The following XKR8 variants were observed in gnomAD, a reference collection of about 807,000 sequenced individuals.
XKR8 encodes XK-related protein 8.
In XKR8, 10 loss-of-function variants were observed where a neutral mutation model predicts 17.1. The ratio of observed to expected loss-of-function variants is 0.59; its 90% CI spans 0.36 to 0.99. XKR8 has a LOEUF of 0.99. Ranked by LOEUF, XKR8 falls within the 50% of genes least tolerant of loss-of-function variation. The pLI, the probability that XKR8 is intolerant of heterozygous loss-of-function variation, is 0.01. For synonymous variants in XKR8, 213 were observed against 251.9 expected, an observed-to-expected ratio of 0.85 and a Z score of 1.46; for missense variants, 411 against 515.6, an observed-to-expected ratio of 0.80 and a Z score of 1.96.
Position 27,967,306 on chromosome 1 carries a change from T to C in XKR8, c.*106T>C. 1.6e-6 allele frequency: 2 copies of C among 1,289,944 alleles called. No homozygotes were observed. The highest frequency in any genetic ancestry group is 1.5e-5 in the African/African-American group (1 of 67,096). 79.9% of individuals were successfully genotyped at this position (1,289,944 alleles called of 1,614,324 possible). ...ATAAGCTAACGATGCTGCTGTGGCCTCTATGCACTCAGCAAGAGCGGGACG... is the reference window on the plus strand; with the variant it reads ...ATAAGCTAACGATGCTGCTGTGGCCCCTATGCACTCAGCAAGAGCGGGACG... On this transcript the variant is annotated 3_prime_UTR_variant, in exon 3 of 3. Transcript: ENST00000373884. The surrounding 1 kb of genome is among the most constrained non-coding windows in gnomAD (Gnocchi z 4.3).
chr1:27,960,315 C>G lies in XKR8; in HGVS notation c.246C>G (p.Arg82=). 7.0e-7 allele frequency: 1 copy of G among 1,431,528 alleles called. No individual in the cohort carries two copies. Among genetic ancestry groups the G allele is most frequent in the Non-Finnish European group, 9.1e-7 (1 of 1,100,542 alleles). 88.7% of individuals were successfully genotyped at this position (1,431,528 alleles called of 1,614,324 possible). Residue 82 remains arginine, a synonymous_variant, in exon 1 of 3, where the codon CGC becomes CGG. Coordinates refer to ENST00000373884, the MANE Select transcript of XKR8 (RefSeq NM_018053.4). The surrounding 1 kb of genome is among the most constrained non-coding windows in gnomAD (Gnocchi z 5.9). ...GCCTGCACGGGTCGCAGCCCCCGCG[C>G]CGCTGCCTGGCGCTGCTGCATCTCC... ...PAGLHGSQPP[R]RCLALLHLLQ...
chr1:27,961,026 G>A (rs1439977654), intron 1 of XKR8, among the ~76,000 whole-genome samples: 1 of 152,210 alleles, frequency 6.6e-6, no homozygotes, highest in Non-Finnish European at 1.5e-5. Context: ...CTTGACCTGG[G>A]CCTCCCTGGG....
chr1:27,961,744 G>T (rs540038239), intron 1 of XKR8, among the ~76,000 whole-genome samples: 1 of 152,344 alleles, frequency 6.6e-6, no homozygotes, highest in African/African-American at 2.4e-5. Flanking sequence ...ACCCCAGCCT[G>T]TCCTGCCTGC....
rs1374159292 is a variant in XKR8 at position 27,965,733 on chromosome 1, C to T, written c.491-770C>T. Among the ~76,000 whole-genome samples, 2 of 152,198 alleles carry T rather than the reference C, an allele frequency of 1.3e-5. No individual in the cohort carries two copies. The highest frequency in any genetic ancestry group is 2.9e-5 in the Non-Finnish European group (2 of 68,044). ...TCTGTTTCCAGGCTAGGAGTGGGTT[C>T]TGGGCGCCTAATAGGTTCCCAGTAA... On this transcript the variant is annotated intron_variant, in intron 2 of 2. Transcript: ENST00000373884. This position sits in a 1 kb window ranked among gnomAD's most constrained non-coding sequence, Gnocchi z 4.1.
In XKR8 at chr1:27,963,564, G is replaced by T. The variant is rs868118956; in HGVS notation, c.361G>T (p.Ala121Ser). ...GGAGGAGCCCTCTGAGTTTGACTTG[G>T]CCTACGCCGACTTCCTCGCCCTGGA... ...QQEEPSEFDL[A>S]YADFLALDIS... The change falls in exon 2 of 3, where the codon GCC becomes TCC. Residue 121 changes from alanine (A) to serine (S), a missense_variant. Transcript: ENST00000373884. The T allele has an allele frequency of 6.2e-7, 1 of 1,614,152 alleles. No individual in the cohort carries two copies. The highest frequency in any genetic ancestry group is 1.7e-5 in the Admixed American group (1 of 60,024).
At chr1:27,961,547 C>T (rs770456287) in intron 1 of XKR8, among the ~76,000 whole-genome samples, 1 of 152,216 alleles carries the variant, frequency 6.6e-6, no homozygotes, top group Non-Finnish European at 1.5e-5. Context: ...GGCAGGCCTC[C>T]ATGAGCCGTG....
At position 27,965,621 on chromosome 1, in the gene XKR8, C is replaced by T. The variant is rs1325787655; in HGVS notation, c.491-882C>T. On this transcript the variant is annotated intron_variant, in intron 2 of 2. Transcript: ENST00000373884. The surrounding 1 kb of genome is among the most constrained non-coding windows in gnomAD (Gnocchi z 4.1). The stretch of plus-strand genomic sequence containing the variant: ...TGGCGACCTAACATCCTGGGCAGAG[C>T]TTGTCAAGGTCACGGAAGGTGGCAT... Among the ~76,000 whole-genome samples, 1 of 152,240 alleles carries T rather than the reference C, an allele frequency of 6.6e-6. No individual in the cohort carries two copies. Among genetic ancestry groups the T allele is most frequent in the East Asian group, 1.9e-4 (1 of 5,174 alleles).
At position 27,967,830 on chromosome 1, in the gene XKR8, C is replaced by A. The variant is rs1638608486; in HGVS notation, c.*630C>A. 1 of 152,730 alleles carries A rather than the reference C, an allele frequency of 6.5e-6. No homozygotes were observed. Among genetic ancestry groups the A allele is most frequent in the Admixed American group, 6.5e-5 (1 of 15,286 alleles). The allele number at this position is 152,730 out of a possible 1,614,324, so 9.5% of individuals were successfully genotyped here. A position where few individuals can be genotyped will look rare whatever the true frequency, so the allele number is the denominator to read the frequency against. On this transcript the variant is annotated 3_prime_UTR_variant, in exon 3 of 3. Coordinates refer to ENST00000373884, the MANE Select transcript of XKR8 (RefSeq NM_018053.4). The surrounding 1 kb of genome is among the most constrained non-coding windows in gnomAD (Gnocchi z 4.3). ...CCAGGGATGCCCAACTCTGGGTGGC[C>A]CCAGTCAGAACCTCTGGGATCTCAG...
At position 27,967,348 on chromosome 1, in the gene XKR8, C is replaced by T. The variant is rs1638598207; in HGVS notation, c.*148C>T. ...AGCGGGACGCCTGTGCTGGGCCGGGCACCAGGGATGGTGCTGAGTCGGGCA... is the reference window on the plus strand; with the variant it reads ...AGCGGGACGCCTGTGCTGGGCCGGGTACCAGGGATGGTGCTGAGTCGGGCA... On this transcript the variant is annotated 3_prime_UTR_variant, in exon 3 of 3. Coordinates refer to ENST00000373884, the MANE Select transcript of XKR8 (RefSeq NM_018053.4). This position sits in a 1 kb window ranked among gnomAD's most constrained non-coding sequence, Gnocchi z 4.3. The T allele has an allele frequency of 1.1e-6, 1 of 899,512 alleles. No homozygotes were observed. The highest frequency in any genetic ancestry group is 1.6e-6 in the Non-Finnish European group (1 of 618,352). The allele number at this position is 899,512 out of a possible 1,614,324, so 55.7% of individuals were successfully genotyped here.
rs370276517 is a variant in XKR8 at position 27,963,484 on chromosome 1, G to A, written c.294-13G>A. The stretch of plus-strand genomic sequence containing the variant: ...CTAACCTGGCCCTCTGGGCATTTGT[G>A]TGTGGTGCCTAGGTGCGTGCAGGAG... On this transcript the variant is annotated splice_polypyrimidine_tract_variant and intron_variant, in intron 1 of 2. Coordinates refer to ENST00000373884, the MANE Select transcript of XKR8 (RefSeq NM_018053.4). The A allele has an allele frequency of 1.3e-6, 2 of 1,596,340 alleles. No homozygotes were observed. Among genetic ancestry groups the A allele is most frequent in the South Asian group, 1.1e-5 (1 of 88,672 alleles).
In XKR8 at chr1:27,960,339, C is replaced by G; in HGVS notation, c.270C>G (p.Leu90=). Residue 90 remains leucine (L), a synonymous_variant, in exon 1 of 3, where the codon CTC becomes CTG. Coordinates refer to ENST00000373884, the MANE Select transcript of XKR8 (RefSeq NM_018053.4). This position sits in a 1 kb window ranked among gnomAD's most constrained non-coding sequence, Gnocchi z 5.9. ...GCCGCTGCCTGGCGCTGCTGCATCT[C>G]CTGCAGCTGGGTTACCTGTACAGGT... is the stretch of plus-strand genomic sequence containing the variant. ...PPRRCLALLH[L]LQLGYLYRCV... 1 of 1,419,558 alleles carries G rather than the reference C, an allele frequency of 7.0e-7. No homozygotes were observed. The highest frequency in any genetic ancestry group is 9.1e-7 in the Non-Finnish European group (1 of 1,094,500). 87.9% of individuals were successfully genotyped at this position (1,419,558 alleles called of 1,614,324 possible).
chr1:27,960,442 C>T lies in XKR8; in HGVS notation c.293+80C>T. 1 of 1,286,584 alleles carries T rather than the reference C, an allele frequency of 7.8e-7. No homozygotes were observed. 79.7% of individuals were successfully genotyped at this position (1,286,584 alleles called of 1,614,324 possible). On this transcript the variant is annotated intron_variant, in intron 1 of 2. Transcript: ENST00000373884. The surrounding 1 kb of genome is among the most constrained non-coding windows in gnomAD (Gnocchi z 5.9). ...CTGGGTCACCTGTACAGGTGACACGCCATATGCCGGGAAGGGGACTGGGAG... is the reference window on the plus strand; with the variant it reads ...CTGGGTCACCTGTACAGGTGACACGTCATATGCCGGGAAGGGGACTGGGAG...
Position 27,960,002 on chromosome 1 carries a change from G to T in XKR8, c.-68G>T, listed in dbSNP as rs778895354. 37 of 1,326,116 alleles carry T rather than the reference G, an allele frequency of 2.8e-5. No homozygotes were observed. The highest frequency in any genetic ancestry group is 4.0e-5 in the Admixed American group (1 of 24,794). The allele number at this position is 1,326,116 out of a possible 1,614,324, so 82.1% of individuals were successfully genotyped here. On this transcript the variant is annotated 5_prime_UTR_variant, in exon 1 of 3. Transcript: ENST00000373884. This position sits in a 1 kb window ranked among gnomAD's most constrained non-coding sequence, Gnocchi z 5.9. ...GCTGCGCCCACCTCCTTCCTGCCTC[G>T]GCAACCCCGGGCCCTGAGGGCAGGC...
Position 27,967,129 on chromosome 1 carries a change from C to T in XKR8, c.1117C>T (p.Arg373Cys), listed in dbSNP as rs1174269407. The T allele has an allele frequency of 1.4e-5, 23 of 1,606,966 alleles. No homozygotes were observed. The Middle Eastern group carries it at 5.0e-4, about 35-fold the overall frequency. ...GGGGTATCAGCTGCCTCAGAACAGG[C>T]GCATGACCCATTTAGCACAGAAGTT... is the stretch of plus-strand genomic sequence containing the variant. ...PEGYQLPQNR[R>C]MTHLAQKFFP... Residue 373 changes from arginine to cysteine, a missense_variant, in exon 3 of 3, where the codon CGC (arginine) becomes TGC (cysteine). Physicochemically the swap from Arg to Cys is radical, Grantham distance 180 (BLOSUM62 -3). Coordinates refer to ENST00000373884, the MANE Select transcript of XKR8 (RefSeq NM_018053.4). The surrounding 1 kb of genome is among the most constrained non-coding windows in gnomAD (Gnocchi z 4.3).
rs948537541 is a variant in XKR8, at chr1:27,960,923, G to T, written c.293+561G>T. On this transcript the variant is annotated intron_variant, in intron 1 of 2. Transcript: ENST00000373884. This position sits in a 1 kb window ranked among gnomAD's most constrained non-coding sequence, Gnocchi z 5.9. The stretch of plus-strand genomic sequence containing the variant: ...TTGGTTGCTGTTCCCATTGGGATGG[G>T]GATAGCGCCTGCCCGTTTGGTGAAG... Among the ~76,000 whole-genome samples, 1 of 152,206 alleles carries T rather than the reference G, an allele frequency of 6.6e-6. No individual in the cohort carries two copies. Among genetic ancestry groups the T allele is most frequent in the Non-Finnish European group, 1.5e-5 (1 of 68,042 alleles).
At position 27,967,425 on chromosome 1, in the gene XKR8, C is replaced by T; in HGVS notation, c.*225C>T. The T allele has an allele frequency of 2.2e-6, 1 of 450,602 alleles. No homozygotes were observed. The highest frequency in any genetic ancestry group is 3.9e-6 in the Non-Finnish European group (1 of 256,310). 27.9% of individuals were successfully genotyped at this position (450,602 alleles called of 1,614,324 possible). ...TGAACAAGATGAGAAGGGCTGGGCC[C>T]TGGAGGGTCAAGAGCCCCAATTATG... On this transcript the variant is annotated 3_prime_UTR_variant, in exon 3 of 3. Transcript: ENST00000373884. This position sits in a 1 kb window ranked among gnomAD's most constrained non-coding sequence, Gnocchi z 4.3.
In XKR8 at chr1:27,966,869, T is replaced by C; in HGVS notation, c.857T>C (p.Ile286Thr). ...VAEGRTRGRA[I>T]IHFAFLLSDS... is the part of the protein sequence containing the mutation. ...GAGGGCCGCACCCGAGGCCGGGCCATCATCCACTTCGCCTTCCTCCTGAGT... is the reference window on the plus strand; with the variant it reads ...GAGGGCCGCACCCGAGGCCGGGCCACCATCCACTTCGCCTTCCTCCTGAGT... Residue 286 changes from isoleucine to threonine, a missense_variant, in exon 3 of 3, where the codon ATC becomes ACC. Physicochemically the swap from Ile to Thr is moderately conservative, Grantham distance 89. Coordinates refer to ENST00000373884, the MANE Select transcript of XKR8 (RefSeq NM_018053.4). This position sits in a 1 kb window ranked among gnomAD's most constrained non-coding sequence, Gnocchi z 4.3. 1 of 1,614,188 alleles carries C rather than the reference T, an allele frequency of 6.2e-7. No individual in the cohort carries two copies. Among genetic ancestry groups the C allele is most frequent in the African/African-American group, 1.3e-5 (1 of 75,052 alleles).
At position 27,959,981 on chromosome 1, in the gene XKR8, C is replaced by T. The variant is rs574573057; in HGVS notation, c.-89C>T. 9.5e-4 allele frequency: 1,174 copies of T among 1,234,018 alleles called. 7 individuals carry two copies. The African/African-American group carries it at 0.017, about 18-fold the overall frequency. 76.4% of individuals were successfully genotyped at this position (1,234,018 alleles called of 1,614,324 possible). The stretch of plus-strand genomic sequence containing the variant: ...AGGCCCCGGGCCGCCCCGAGGGCTG[C>T]GCCCACCTCCTTCCTGCCTCGGCAA... On this transcript the variant is annotated 5_prime_UTR_variant, in exon 1 of 3. Coordinates refer to ENST00000373884, the MANE Select transcript of XKR8 (RefSeq NM_018053.4).
rs769182126 is a variant in XKR8, at chr1:27,966,940, C to T, written c.928C>T (p.Leu310=). ...CACCTGGGTGACTCATAGCTCCTGG[C>T]TGCCCAGCGGGATTCCACTGCAGCT... ...VATWVTHSSW[L]PSGIPLQLWL... Residue 310 remains leucine, a synonymous_variant, in exon 3 of 3, where the codon CTG becomes TTG. Coordinates refer to ENST00000373884, the MANE Select transcript of XKR8 (RefSeq NM_018053.4). The surrounding 1 kb of genome is among the most constrained non-coding windows in gnomAD (Gnocchi z 4.3). The T allele has an allele frequency of 6.2e-7, 1 of 1,614,206 alleles. No homozygotes were observed. The highest frequency in any genetic ancestry group is 8.5e-7 in the Non-Finnish European group (1 of 1,180,040).
Sources: gnomAD v4.1 joint callset for allele counts (sites outside exome capture counted in the v4.1 genomes callset) on GRCh38, gnomAD v4.1.1 for gene constraint, Gnocchi (gnomAD v3.1) non-coding constraint, MANE v1.5 for transcripts, NCBI Gene and HGNC (gene_info 2026-07-23, HGNC 2026-07-21) for gene names.